Variants in PDE4A observed in about 807,000 individuals in gnomAD.
PDE4A encodes 3',5'-cyclic-AMP phosphodiesterase 4A.
A neutral mutation model predicts 73.9 loss-of-function variants in PDE4A; 21 were observed. The observed-to-expected ratio is 0.28, with a 90% CI of 0.20 to 0.41. PDE4A has a LOEUF of 0.41. PDE4A is among the 10% of genes least tolerant of loss of function. The pLI is 1.00. For synonymous variants in PDE4A, 463 were observed against 505.4 expected, an observed-to-expected ratio of 0.92 and a Z score of 1.13; for missense variants, 958 against 1,211.4, an observed-to-expected ratio of 0.79 and a Z score of 3.10.
Position 10,446,207 on chromosome 19 carries a change from A to T in PDE4A, c.321-11A>T. The T allele has an allele frequency of 6.4e-7, 1 of 1,556,456 alleles. No individual in the cohort carries two copies. Among genetic ancestry groups the T allele is most frequent in the Non-Finnish European group, 8.7e-7 (1 of 1,149,942 alleles). ...AGCCTCCTGACCCCTCTTCTCGCCC[A>T]TCCCCTGCAGCTTCGAGGCAGAGAA... On this transcript the variant is annotated splice_polypyrimidine_tract_variant and intron_variant, in intron 1 of 14. Coordinates refer to ENST00000380702, the MANE Select transcript of PDE4A (RefSeq NM_001111307.2).
chr19:10,422,988 G>A (rs1257795848), intron 1 of PDE4A: 1 of 414,022 alleles, frequency 2.4e-6, no homozygotes, highest in Middle Eastern at 1.3e-3. Context: ...TGGCTGAGTG[G>A]TAATAATCAT....
chr19:10,432,013 C>T (rs2042795070), intron 1 of PDE4A, among the ~76,000 whole-genome samples: 1 of 151,976 alleles, frequency 6.6e-6, no homozygotes, highest in Admixed American at 6.5e-5. Flanking sequence ...TCCCGTTTCC[C>T]CGGGGGCGCA....
At chr19:10,464,305 C>G (rs1440131810) in intron 14 of PDE4A, 1 of 445,300 alleles carries the variant, frequency 2.2e-6, no homozygotes, top group East Asian at 6.7e-5. Flanking sequence ...ACCGTGTTGG[C>G]CAGGCTGGTC....
intron 1 of PDE4A, among the ~76,000 whole-genome samples, chr19:10,440,878 G>A (rs1372447888): frequency 2.7e-5 from 4 of 148,962 alleles, no homozygotes; most frequent in Admixed American, 6.7e-5. Flanking sequence ...GATTACAGGC[G>A]TGAGCCACCA....
intron 14 of PDE4A, among the ~76,000 whole-genome samples, chr19:10,464,832 C>T (rs1404146105): frequency 6.6e-6 from 1 of 151,894 alleles, no homozygotes; most frequent in Non-Finnish European, 1.5e-5. Context: ...ATCCTCCACC[C>T]CCGCCTCCAG....
Position 10,424,097 on chromosome 19 carries a change from G to C in PDE4A, c.320+3013G>C, listed in dbSNP as rs1393050994. Among the ~76,000 whole-genome samples the C allele has an allele frequency of 1.3e-5, 2 of 152,208 alleles. No homozygotes were observed. Among genetic ancestry groups the C allele is most frequent in the Non-Finnish European group, 2.9e-5 (2 of 68,034 alleles). Reference sequence around the variant, plus strand: ...GGTCAAAGGAATCCCCAGAGAGAGGGCACTGCCCACCCCCAACCGGAGATG... The same window carrying C: ...GGTCAAAGGAATCCCCAGAGAGAGGCCACTGCCCACCCCCAACCGGAGATG... On this transcript the variant is annotated intron_variant, in intron 1 of 14. Transcript: ENST00000380702. This position sits in a 1 kb window ranked among gnomAD's most constrained non-coding sequence, Gnocchi z 4.8.
chr19:10,420,727 G>A lies in PDE4A; in HGVS notation c.-38G>A, dbSNP rs2042638282. 6.7e-7 allele frequency: 1 copy of A among 1,489,626 alleles called. No individual in the cohort carries two copies. Among genetic ancestry groups the A allele is most frequent in the East Asian group, 2.6e-5 (1 of 37,782 alleles). 92.3% of individuals were successfully genotyped at this position (1,489,626 alleles called of 1,614,324 possible). A position where few individuals can be genotyped will look rare whatever the true frequency, so the allele number is the denominator to read the frequency against. ...AGCTGAGCGGGGTGTAGGTTGGAAG[G>A]GCCAGGGCCCCCTGGGGCGCAAGTG... On this transcript the variant is annotated 5_prime_UTR_variant, in exon 1 of 15. Transcript: ENST00000380702. This position sits in a 1 kb window ranked among gnomAD's most constrained non-coding sequence, Gnocchi z 6.0.
intron 1 of PDE4A, among the ~76,000 whole-genome samples, chr19:10,437,812 T>TTG (rs1457244209): frequency 4.1e-5 from 6 of 147,380 alleles, no homozygotes; most frequent in East Asian, 2.1e-4. Context: ...GGACTGTTTT[T>TTG]TTTTTTTTTT....
intron 6 of PDE4A, among the ~76,000 whole-genome samples, chr19:10,452,425 G>A (rs2043105679): frequency 6.7e-6 from 1 of 149,564 alleles, no homozygotes; most frequent in African/African-American, 2.5e-5. Flanking sequence ...CGACAAGAGT[G>A]AAAACTCCGT....
intron 4 of PDE4A, 102 bp downstream of exon 4, chr19:10,449,252 T>C (rs1442132419): frequency 4.4e-5 from 55 of 1,255,738 alleles, no homozygotes; most frequent in Non-Finnish European, 4.8e-5. Context: ...AGGTGACCTC[T>C]CTGAACCTCT....
chr19:10,442,998 C>T (rs1457771771), intron 1 of PDE4A, among the ~76,000 whole-genome samples: 1 of 151,766 alleles, frequency 6.6e-6, no homozygotes, highest in East Asian at 1.9e-4. Flanking sequence ...ACCAATATTA[C>T]ATATTACCTA....
intron 13 of PDE4A, among the ~76,000 whole-genome samples, chr19:10,462,957 G>A (rs369841489): frequency 7.2e-5 from 11 of 152,304 alleles, no homozygotes; most frequent in African/African-American, 2.4e-4. Flanking sequence ...TACTCCAGAG[G>A]CTGAGGCAGG....
chr19:10,421,002 C>T lies in PDE4A; in HGVS notation c.238C>T (p.Arg80Cys), dbSNP rs200639546. Residue 80 changes from arginine (R) to cysteine (C), a missense_variant, in exon 1 of 15, where the codon CGC (arginine) becomes TGC (cysteine). Physicochemically the swap from Arg to Cys is radical, Grantham distance 180. Transcript: ENST00000380702. The stretch of plus-strand genomic sequence containing the variant: ...GGACACCAGCGACCGGCCCGGCCTG[C>T]GCACGACCCGCATGTCCTGGCCCTC... ...AMDTSDRPGL[R>C]TTRMSWPSSF... 5.9e-6 allele frequency: 9 copies of T among 1,516,354 alleles called. No individual in the cohort carries two copies. Among genetic ancestry groups the T allele is most frequent in the Non-Finnish European group, 7.9e-6 (9 of 1,140,894 alleles). The allele number at this position is 1,516,354 out of a possible 1,614,324, so 93.9% of individuals were successfully genotyped here.
In PDE4A at chr19:10,459,645, A is replaced by T. The variant is rs773085745; in HGVS notation, c.1251A>T (p.Thr417=). Residue 417 remains threonine, a synonymous_variant, in exon 10 of 15, where the codon ACA becomes ACT. Transcript: ENST00000380702. The part of the protein sequence containing the change: ...KFRIPVDTMV[T]YMLTLEDHYH... ...GCATCCCTGTGGACACGATGGTGACATACATGCTGACGCTGGAGGATCACT... is the reference window on the plus strand; with the variant it reads ...GCATCCCTGTGGACACGATGGTGACTTACATGCTGACGCTGGAGGATCACT... 1 of 1,614,112 alleles carries T rather than the reference A, an allele frequency of 6.2e-7. No individual in the cohort carries two copies. The highest frequency in any genetic ancestry group is 1.7e-5 in the Admixed American group (1 of 60,000).
chr19:10,418,003 G>A (rs934348437), upstream of PDE4A: 4 of 986,880 alleles, frequency 4.1e-6, no homozygotes, highest in Non-Finnish European at 4.4e-6. Context: ...CCTGTGGCGG[G>A]CTGTGACACC....
chr19:10,440,422 A>AATTTATT (rs1331752736), intron 1 of PDE4A, among the ~76,000 whole-genome samples: 1 of 151,162 alleles, frequency 6.6e-6, no homozygotes, highest in Non-Finnish European at 1.5e-5. Flanking sequence ...AATTATTTAC[A>AATTTATT]ATTTATTATT....
Position 10,463,945 on chromosome 19 carries a change from C to CA in PDE4A, c.1898dup (p.His634AlafsTer14). ...GCATGGAAATCAGCCCCATGTGTGACAAGCACACTGCCTCCGTGGAGAAGT... is the reference window on the plus strand; with the variant it reads ...GCATGGAAATCAGCCCCATGTGTGACAAAGCACACTGCCTCCGTGGAGAAGT... On this transcript the variant is annotated frameshift_variant, in exon 14 of 15. Coordinates refer to ENST00000380702, the MANE Select transcript of PDE4A (RefSeq NM_001111307.2). LOFTEE classifies it low-confidence loss of function (END_TRUNC). 1.2e-6 allele frequency: 2 copies of CA among 1,614,126 alleles called. No homozygotes were observed. The highest frequency in any genetic ancestry group is 1.7e-6 in the Non-Finnish European group (2 of 1,179,992).
intron 2 of PDE4A, among the ~76,000 whole-genome samples, chr19:10,447,484 CA>C: frequency 6.6e-6 from 1 of 151,816 alleles, no homozygotes; most frequent in Non-Finnish European, 1.5e-5. Flanking sequence ...CTCGGCCTCC[CA>C]AAGTGCTGGG....
In PDE4A at chr19:10,421,145, G is replaced by A. The variant is rs1299292150; in HGVS notation, c.320+61G>A. Reference sequence around the variant, plus strand: ...TGGGCGCGCAGGGAGGAGGCAACTCGAGCTGCCGGCCGCAGGGGGCGCTAG... The same window carrying A: ...TGGGCGCGCAGGGAGGAGGCAACTCAAGCTGCCGGCCGCAGGGGGCGCTAG... On this transcript the variant is annotated intron_variant, in intron 1 of 14. Coordinates refer to ENST00000380702, the MANE Select transcript of PDE4A (RefSeq NM_001111307.2). 7 of 1,339,036 alleles carry A rather than the reference G, an allele frequency of 5.2e-6. No homozygotes were observed. In the East Asian group the frequency reaches 1.9e-4, roughly 36 times the overall value. The allele number at this position is 1,339,036 out of a possible 1,614,324, so 82.9% of individuals were successfully genotyped here.
Sources: gnomAD v4.1 joint callset for allele counts (sites outside exome capture counted in the v4.1 genomes callset) on GRCh38, gnomAD v4.1.1 for gene constraint, Gnocchi (gnomAD v3.1) non-coding constraint, MANE v1.5 for transcripts, NCBI Gene and HGNC (gene_info 2026-07-23, HGNC 2026-07-21) for gene names.